The following NTNG1 variants were observed in gnomAD, a reference collection of about 807,000 sequenced individuals.
NTNG1 encodes the protein netrin-G1.
NTNG1 carries 16 observed loss-of-function variants against 54.0 expected under a neutral mutation model. The observed-to-expected ratio is 0.30, with a 90% confidence interval of 0.20 to 0.45. NTNG1 has a LOEUF of 0.45. Among genes scored for constraint, NTNG1 ranks in the 20% least tolerant of loss-of-function variants. The pLI, the probability that NTNG1 is intolerant of heterozygous loss-of-function variation, is 1.00. For missense variants in NTNG1, 530 were observed against 678.7 expected (o/e 0.78, Z 2.43); for synonymous variants, 255 against 263.1 (o/e 0.97, Z 0.30).
chr1:107,220,228 T>G (rs1660251068), intron 2 of NTNG1, among the ~76,000 whole-genome samples: 1 of 152,170 alleles, frequency 6.6e-6, no homozygotes, highest in Non-Finnish European at 1.5e-5. Context: ...GCACTGAGTT[T>G]ATTTCCAGGC....
intron 2 of NTNG1, among the ~76,000 whole-genome samples, chr1:107,164,072 C>T (rs886669192): frequency 6.6e-6 from 1 of 152,214 alleles, no homozygotes; most frequent in Non-Finnish European, 1.5e-5. Context: ...ACTCCAGTTG[C>T]ATTTTTTACT....
intron 1 of NTNG1, among the ~76,000 whole-genome samples, chr1:107,145,215 A>G (rs74712648): frequency 0.048 from 7,294 of 152,146 alleles, 561 homozygotes; most frequent in African/African-American, 0.17. Context: ...GTGGAGGTTA[A>G]GTTGTAAATA....
chr1:107,435,166 A>ACTT (rs1675519370), intron 6 of NTNG1, among the ~76,000 whole-genome samples: 1 of 152,086 alleles, frequency 6.6e-6, no homozygotes, highest in African/African-American at 2.4e-5. Context: ...CAACTTACAC[A>ACTT]CTTTAAACAG....
intron 2 of NTNG1, among the ~76,000 whole-genome samples, chr1:107,209,226 C>G (rs867023703): frequency 3.3e-5 from 5 of 151,988 alleles, no homozygotes; most frequent in African/African-American, 1.2e-4. Context: ...TTGATTACCA[C>G]AATGTGGTAA....
At chr1:107,254,542 G>A (rs549405214) in intron 2 of NTNG1, among the ~76,000 whole-genome samples, 3 of 152,214 alleles carry the variant, frequency 2.0e-5, no homozygotes, top group Non-Finnish European at 4.4e-5. Flanking sequence ...CCTTTGAGGC[G>A]CTTGCCTCGC....
At chr1:107,314,147 G>A (rs1479825970) in intron 2 of NTNG1, among the ~76,000 whole-genome samples, 1 of 152,164 alleles carries the variant, frequency 6.6e-6, no homozygotes, top group Non-Finnish European at 1.5e-5. Flanking sequence ...GCTCATGCCT[G>A]TAATCCCAGC....
chr1:107,345,090 C>G (rs547530514), intron 3 of NTNG1, among the ~76,000 whole-genome samples: 1 of 152,204 alleles, frequency 6.6e-6, no homozygotes, highest in South Asian at 2.1e-4. Context: ...CCCAATAATT[C>G]CAAGAGAGAC....
In NTNG1 at chr1:107,148,842, G is replaced by C; in HGVS notation, c.246+3G>C. On this transcript the variant is annotated splice_donor_region_variant and intron_variant, in intron 2 of 7. Coordinates refer to ENST00000370068, the MANE Select transcript of NTNG1 (RefSeq NM_001113226.3). The stretch of plus-strand genomic sequence containing the variant: ...CTCCTGAGACGTTCTGTGCAATGGT[G>C]AGGTAACCCTTTTGCATAAAATATT... 1 of 1,612,050 alleles carries C rather than the reference G, an allele frequency of 6.2e-7. No individual in the cohort carries two copies. The highest frequency in any genetic ancestry group is 1.1e-5 in the South Asian group (1 of 91,014).
At chr1:107,257,009 T>C (rs926163258) in intron 2 of NTNG1, among the ~76,000 whole-genome samples, 4 of 152,198 alleles carry the variant, frequency 2.6e-5, no homozygotes, top group African/African-American at 7.2e-5. Context: ...AGATTTTTCT[T>C]TCTGGTCTGA....
At chr1:107,429,470 T>C (rs1301872144) in intron 5 of NTNG1, among the ~76,000 whole-genome samples, 4 of 152,148 alleles carry the variant, frequency 2.6e-5, no homozygotes, top group Non-Finnish European at 4.4e-5. Context: ...GCCAAAATAG[T>C]AACTCAACAC....
At position 107,221,610 on chromosome 1, in the gene NTNG1, A is replaced by C. The variant is rs149116270; in HGVS notation, c.246+72771A>C. On this transcript the variant is annotated intron_variant, in intron 2 of 7. Coordinates refer to ENST00000370068, the MANE Select transcript of NTNG1 (RefSeq NM_001113226.3). Reference sequence around the variant, plus strand: ...GAGCAGTAGGAATGTACAGTGTATAATTTCTTTGGTTAGAACATAGGGTAC... The same window carrying C: ...GAGCAGTAGGAATGTACAGTGTATACTTTCTTTGGTTAGAACATAGGGTAC... Among the ~76,000 whole-genome samples the C allele has an allele frequency of 7.3e-3, 1,118 of 152,280 alleles. 8 individuals carry two copies. Among genetic ancestry groups the C allele is most frequent in the Non-Finnish European group, 0.012 (796 of 68,014 alleles).
In NTNG1 at chr1:107,318,200, C is replaced by G. The variant is rs528314999; in HGVS notation, c.247-6082C>G. On this transcript the variant is annotated intron_variant, in intron 2 of 7. Transcript: ENST00000370068. ...GCCTCTATAAGTAGTTTGATAAAAT[C>G]TCACACCACTTAGACCTGTCCCGCC... Among the ~76,000 whole-genome samples, 94 of 152,216 alleles carry G rather than the reference C, an allele frequency of 6.2e-4. 1 individual carries two copies. The highest frequency in any genetic ancestry group is 2.2e-3 in the African/African-American group (91 of 41,542).
At chr1:107,205,782 T>G (rs540919732) in intron 2 of NTNG1, among the ~76,000 whole-genome samples, 1 of 152,218 alleles carries the variant, frequency 6.6e-6, no homozygotes, top group African/African-American at 2.4e-5. Flanking sequence ...ACACCTCTCA[T>G]GCCCTCTTCA....
At chr1:107,342,418 A>T (rs1294836070) in intron 3 of NTNG1, among the ~76,000 whole-genome samples, 4 of 152,114 alleles carry the variant, frequency 2.6e-5, no homozygotes, top group Non-Finnish European at 5.9e-5. Flanking sequence ...TAAAATATAA[A>T]GGAGGGCTCT....
chr1:107,303,633 C>T (rs915451721), intron 2 of NTNG1, among the ~76,000 whole-genome samples: 20 of 152,102 alleles, frequency 1.3e-4, no homozygotes, highest in Admixed American at 3.9e-4. Context: ...AAACTACTAT[C>T]CCATTTTCCC....
At chr1:107,187,659 G>A (rs950906601) in intron 2 of NTNG1, among the ~76,000 whole-genome samples, 2 of 152,076 alleles carry the variant, frequency 1.3e-5, no homozygotes, top group Non-Finnish European at 2.9e-5. Context: ...AGCTGCAAAA[G>A]GACAACGAAG....
intron 1 of NTNG1, among the ~76,000 whole-genome samples, chr1:107,147,409 A>C (rs1654205713): frequency 6.6e-6 from 1 of 152,132 alleles, no homozygotes; most frequent in South Asian, 2.1e-4. Context: ...AAAAGATGTA[A>C]AAATATAGAA....
chr1:107,190,639 A>T (rs1657838744), intron 2 of NTNG1, among the ~76,000 whole-genome samples: 1 of 151,728 alleles, frequency 6.6e-6, no homozygotes, highest in South Asian at 2.1e-4. Context: ...AAGTGTTCTC[A>T]TTGTTCAGTT....
chr1:107,317,922 T>C lies in NTNG1; in HGVS notation c.247-6360T>C, dbSNP rs143363065. 5.2e-3 allele frequency among the ~76,000 whole-genome samples: 795 copies of C among 152,278 alleles called. 3 individuals are homozygous for C. The highest frequency in any genetic ancestry group is 0.011 in the Admixed American group (164 of 15,280). ...CAGAGTTATACAAAAACAAAACTCTTTATCCTCTACTATTCTTAGGGTGGC... is the reference window on the plus strand; with the variant it reads ...CAGAGTTATACAAAAACAAAACTCTCTATCCTCTACTATTCTTAGGGTGGC... On this transcript the variant is annotated intron_variant, in intron 2 of 7. Coordinates refer to ENST00000370068, the MANE Select transcript of NTNG1 (RefSeq NM_001113226.3).
Sources: gnomAD v4.1 joint callset for allele counts (sites outside exome capture counted in the v4.1 genomes callset) on GRCh38, gnomAD v4.1.1 for gene constraint, MANE v1.5 for transcripts, NCBI Gene and HGNC (gene_info 2026-07-23, HGNC 2026-07-21) for gene names.